The following ARHGAP26 variants were observed in gnomAD, a reference collection of about 807,000 sequenced individuals.
ARHGAP26 encodes Rho GTPase activating protein 26.
A neutral mutation model predicts 104.8 loss-of-function variants in ARHGAP26; 38 were observed. The ratio of observed to expected loss-of-function variants is 0.36; its 90% CI spans 0.28 to 0.48. ARHGAP26 has a LOEUF of 0.48. Among genes scored for constraint, ARHGAP26 ranks in the 20% least tolerant of loss-of-function variants. ARHGAP26 has a pLI of 0.99. For synonymous variants in ARHGAP26, 341 were observed against 340.0 expected (o/e 1.00, Z -0.03); for missense variants, 704 against 947.9 (o/e 0.74, Z 3.38).
intron 17 of ARHGAP26, among the ~76,000 whole-genome samples, chr5:143,073,611 T>C (rs904583735): frequency 2.6e-5 from 4 of 152,230 alleles, no homozygotes; most frequent in African/African-American, 9.6e-5. Flanking sequence ...TCTTTTTATG[T>C]ATGATCTTAG....
intron 11 of ARHGAP26, among the ~76,000 whole-genome samples, chr5:142,996,759 G>A (rs983734608): frequency 2.0e-5 from 3 of 152,170 alleles, no homozygotes; most frequent in Non-Finnish European, 2.9e-5. Context: ...AAAGAAAACT[G>A]GAGGGAGGTT....
intron 1 of ARHGAP26, among the ~76,000 whole-genome samples, chr5:142,795,047 TC>T (rs10555676): frequency 1.3e-4 from 19 of 151,896 alleles, no homozygotes; most frequent in African/African-American, 4.6e-4. Context: ...ATCTTCTTCT[TC>T]TTTTTTTTTA....
chr5:143,035,752 A>G (rs962139929), intron 12 of ARHGAP26, among the ~76,000 whole-genome samples: 2 of 152,076 alleles, frequency 1.3e-5, no homozygotes, highest in Admixed American at 6.5e-5. Context: ...CCTGGCCAAC[A>G]TGGTGAAACT....
At chr5:142,873,676 G>A (rs546944631) in intron 2 of ARHGAP26, among the ~76,000 whole-genome samples, 181 bp downstream of exon 2, 5 of 152,252 alleles carry the variant, frequency 3.3e-5, no homozygotes, top group Admixed American at 2.0e-4. Context: ...TGGTCTTCTC[G>A]AGTTTTGGGA....
At chr5:143,055,145 G>A (rs1446833991) in intron 15 of ARHGAP26, among the ~76,000 whole-genome samples, 1 of 152,176 alleles carries the variant, frequency 6.6e-6, no homozygotes, top group Non-Finnish European at 1.5e-5. Context: ...AAATATTTAT[G>A]CTGGACTTGA....
At chr5:142,856,694 C>T (rs1053792523) in intron 1 of ARHGAP26, among the ~76,000 whole-genome samples, 5 of 152,084 alleles carry the variant, frequency 3.3e-5, no homozygotes, top group African/African-American at 4.8e-5. Context: ...TCAAGCAATA[C>T]AGTATAACAA....
intron 17 of ARHGAP26, among the ~76,000 whole-genome samples, chr5:143,063,374 G>A (rs766523870): frequency 2.6e-5 from 4 of 152,158 alleles, no homozygotes; most frequent in Non-Finnish European, 5.9e-5. Context: ...AGTCCACAGA[G>A]TGCATGTTGT....
At chr5:142,944,173 G>A (rs1342624028) in intron 11 of ARHGAP26, among the ~76,000 whole-genome samples, 2 of 152,178 alleles carry the variant, frequency 1.3e-5, no homozygotes, top group Non-Finnish European at 2.9e-5. Flanking sequence ...TCCCTCCAGA[G>A]CTTCTCCTGT....
chr5:142,998,731 C>G (rs762667952), intron 11 of ARHGAP26, among the ~76,000 whole-genome samples: 1 of 151,740 alleles, frequency 6.6e-6, no homozygotes, highest in Admixed American at 6.6e-5. Context: ...TTCCCCACCC[C>G]CTAAAAAAAG....
chr5:142,959,899 A>T (rs1301453736), intron 11 of ARHGAP26, among the ~76,000 whole-genome samples: 3 of 152,136 alleles, frequency 2.0e-5, no homozygotes, highest in African/African-American at 7.2e-5. Context: ...CTTTGGACAA[A>T]CCCTACCATG....
chr5:143,031,623 A>G (rs1781890051), intron 12 of ARHGAP26, among the ~76,000 whole-genome samples: 1 of 150,346 alleles, frequency 6.7e-6, no homozygotes, highest in South Asian at 2.1e-4. Flanking sequence ...AGTATCTCAG[A>G]TGAGGTCCCA....
chr5:143,214,785 C>T (rs1387362596), intron 22 of ARHGAP26, among the ~76,000 whole-genome samples: 1 of 152,230 alleles, frequency 6.6e-6, no homozygotes, highest in South Asian at 2.1e-4. Flanking sequence ...TCTCCCAGGT[C>T]ACACTCAACC....
At chr5:143,162,165 C>T (rs1801315663) in intron 20 of ARHGAP26, among the ~76,000 whole-genome samples, 2 of 149,426 alleles carry the variant, frequency 1.3e-5, no homozygotes, top group African/African-American at 5.0e-5. Context: ...CCTGCATCCC[C>T]TCTGTAGCAT....
At chr5:143,210,761 G>A (rs891436430) in intron 21 of ARHGAP26, among the ~76,000 whole-genome samples, 1 of 152,200 alleles carries the variant, frequency 6.6e-6, no homozygotes, top group African/African-American at 2.4e-5. Context: ...GGTTTGCAAG[G>A]GCATTTGAGG....
intron 17 of ARHGAP26, among the ~76,000 whole-genome samples, chr5:143,091,160 G>C (rs1250492499): frequency 6.6e-6 from 1 of 152,218 alleles, no homozygotes; most frequent in Admixed American, 6.5e-5. Context: ...CGACTCTGGA[G>C]GGGGCGGCGC....
At chr5:143,092,062 T>C (rs187839690) in intron 17 of ARHGAP26, among the ~76,000 whole-genome samples, 279 of 152,332 alleles carry the variant, frequency 1.8e-3, no homozygotes, top group Non-Finnish European at 3.5e-3. Context: ...ATACAATATT[T>C]CTTGCATAAA....
At chr5:142,914,569 C>G (rs1378892041) in intron 10 of ARHGAP26, among the ~76,000 whole-genome samples, 1 of 152,186 alleles carries the variant, frequency 6.6e-6, no homozygotes, top group Admixed American at 6.5e-5. Flanking sequence ...AGCTGTTACT[C>G]TTTTTTGCTA....
chr5:142,784,653 G>A (rs924175601), intron 1 of ARHGAP26, among the ~76,000 whole-genome samples: 10 of 152,050 alleles, frequency 6.6e-5, no homozygotes, highest in Non-Finnish European at 1.3e-4. Context: ...TCCCCAAATG[G>A]GCAGCATGGG....
intron 1 of ARHGAP26, among the ~76,000 whole-genome samples, chr5:142,866,035 C>CT (rs67054994): frequency 0.035 from 5,065 of 144,068 alleles, 151 homozygotes; most frequent in African/African-American, 0.079. Flanking sequence ...TTTCTTTTTT[C>CT]TTTTTTTTTT....
Sources: gnomAD v4.1 joint callset for allele counts (sites outside exome capture counted in the v4.1 genomes callset) on GRCh38, gnomAD v4.1.1 for gene constraint, MANE v1.5 for transcripts, NCBI Gene and HGNC (gene_info 2026-07-23, HGNC 2026-07-21) for gene names.